The following TBC1D17 variants were observed in gnomAD, a reference collection of about 807,000 sequenced individuals.
The protein encoded by TBC1D17 is TBC1 domain family member 17.
TBC1D17 carries 69 observed loss-of-function variants against 78.8 expected under a neutral mutation model. That is an observed-to-expected ratio of 0.88 (90% CI 0.72 to 1.07). TBC1D17 has a LOEUF of 1.07. Among genes scored for constraint, TBC1D17 ranks in the 50% least tolerant of loss-of-function variants. The pLI, the probability that TBC1D17 is intolerant of heterozygous loss-of-function variation, is 0.00. For missense variants in TBC1D17, 957 were observed against 861.0 expected, an observed-to-expected ratio of 1.11 and a Z score of -1.39; for synonymous variants, 456 against 358.3, an observed-to-expected ratio of 1.27 and a Z score of -3.08.
chr19:49,888,594 CGAG>C lies in TBC1D17; in HGVS notation c.1926_1928del (p.Glu642del). 4 of 1,536,706 alleles carry C rather than the reference CGAG, an allele frequency of 2.6e-6. No individual in the cohort carries two copies. Among genetic ancestry groups the C allele is most frequent in the Admixed American group, 2.0e-5 (1 of 50,958 alleles). On this transcript the variant is annotated inframe_deletion, in exon 17 of 17. Transcript: ENST00000221543. ...CCGACAGCAGCCTGGAGATCCTGCC[CGAG>C]GAGGAGGACGAGGGCGCCGACTCCT...
At position 49,884,143 on chromosome 19, in the gene TBC1D17, C is replaced by T. The variant is rs527778242; in HGVS notation, c.1127-110C>T. The stretch of plus-strand genomic sequence containing the variant: ...TCTGCTTCTCCCCCAGAGCAAACCC[C>T]GAGGCTGGGGGCTGCCAGCAGGAGG... On this transcript the variant is annotated intron_variant, in intron 10 of 16. Coordinates refer to ENST00000221543, the MANE Select transcript of TBC1D17 (RefSeq NM_024682.3). 3.8e-5 allele frequency: 38 copies of T among 1,009,398 alleles called. No individual in the cohort carries two copies. In the African/African-American group the frequency reaches 4.6e-4, roughly 12 times the overall value. The allele number at this position is 1,009,398 out of a possible 1,614,324, so 62.5% of individuals were successfully genotyped here. A position where few individuals can be genotyped will look rare whatever the true frequency, so the allele number is the denominator to read the frequency against.
chr19:49,887,504 C>T lies in TBC1D17; in HGVS notation c.1473C>T (p.Phe491=), dbSNP rs1178101126. 2 of 1,614,202 alleles carry T rather than the reference C, an allele frequency of 1.2e-6. No homozygotes were observed. The highest frequency in any genetic ancestry group is 1.7e-5 in the Admixed American group (1 of 60,022). The change falls in exon 14 of 17, where the codon TTC becomes TTT. Residue 491 remains phenylalanine, a synonymous_variant. Coordinates refer to ENST00000221543, the MANE Select transcript of TBC1D17 (RefSeq NM_024682.3). ...CCCAGGACTCCGGCTCTCTCTGCTTCTGTTTCCGGTGGCTGCTCATCTGGT... is the reference window on the plus strand; with the variant it reads ...CCCAGGACTCCGGCTCTCTCTGCTTTTGTTTCCGGTGGCTGCTCATCTGGT... ...LDSQDSGSLC[F]CFRWLLIWFK... is the part of the protein sequence containing the mutation.
intron 5 of TBC1D17, 69 bp from the exon 6 acceptor site, chr19:49,881,972 G>C: frequency 7.3e-7 from 1 of 1,378,380 alleles, no homozygotes; most frequent in Non-Finnish European, 1.0e-6. Flanking sequence ...GATGTCGGCC[G>C]AGCACAGACA....
intron 14 of TBC1D17, 48 bp downstream of exon 14, chr19:49,887,621 G>A (rs370930351): frequency 1.2e-6 from 2 of 1,610,706 alleles, no homozygotes; most frequent in Non-Finnish European, 1.7e-6. Flanking sequence ...GGGCTCACCT[G>A]CCCTGGGAGG....
chr19:49,881,326 A>G lies in TBC1D17; in HGVS notation c.378A>G (p.Leu126=), dbSNP rs2122437587. ...SWAFSVSLGE[L]KSIRRSKPGL... ...CCTTCTCAGTGAGTCTGGGGGAGCT[A>G]AAGTCCATCCGCCGCTCCAAGCCAG... The change falls in exon 5 of 17, where the codon CTA becomes CTG. Residue 126 remains leucine, a synonymous_variant. Transcript: ENST00000221543. 2 of 1,613,136 alleles carry G rather than the reference A, an allele frequency of 1.2e-6. No homozygotes were observed. Among genetic ancestry groups the G allele is most frequent in the Non-Finnish European group, 1.7e-6 (2 of 1,179,962 alleles).
intron 1 of TBC1D17, 113 bp downstream of exon 1, chr19:49,877,857 A>G: frequency 7.6e-7 from 1 of 1,322,950 alleles, no homozygotes; most frequent in Middle Eastern, 1.8e-4. Context: ...CTTGGCAAAC[A>G]CCGATCTCTT....
At chr19:49,886,790 C>G (rs923698918) in intron 13 of TBC1D17, 1 of 152,508 alleles carries the variant, frequency 6.6e-6, no homozygotes, top group Non-Finnish European at 1.5e-5. Context: ...GGTTCAACAC[C>G]AGCTTAATTT....
chr19:49,882,127 A>T lies in TBC1D17; in HGVS notation c.614A>T (p.Asp205Val). The change falls in exon 6 of 17, where the codon GAC becomes GTC. Residue 205 changes from aspartate to valine, a missense_variant. By Grantham distance (152) the Asp-to-Val change is radical. Coordinates refer to ENST00000221543, the MANE Select transcript of TBC1D17 (RefSeq NM_024682.3). ...TCCTTCCACCACCTGCAGCTCTTTG[A>T]CCAGGACAGCTCCAATGTGGTGTCA... is the stretch of plus-strand genomic sequence containing the variant. ...SNSFHHLQLF[D>V]QDSSNVVSRF... 1.2e-6 allele frequency: 2 copies of T among 1,613,924 alleles called. No individual in the cohort carries two copies. The highest frequency in any genetic ancestry group is 8.5e-7 in the Non-Finnish European group (1 of 1,179,974).
At chr19:49,882,689 G>A in intron 7 of TBC1D17, 75 bp from the exon 8 acceptor site, 1 of 1,453,292 alleles carries the variant, frequency 6.9e-7, no homozygotes, top group Non-Finnish European at 9.1e-7. Context: ...AGCTCTCTGA[G>A]CTTGTGGACT....
At position 49,882,222 on chromosome 19, in the gene TBC1D17, C is replaced by T. The variant is rs2075021319; in HGVS notation, c.640-20C>T. ...GACGAGAAGGGGCGGGCCGTGACCT[C>T]CCTTTGGCCTCGTCCCCAGCGCTTC... On this transcript the variant is annotated intron_variant, in intron 6 of 16. Coordinates refer to ENST00000221543, the MANE Select transcript of TBC1D17 (RefSeq NM_024682.3). 6.2e-7 allele frequency: 1 copy of T among 1,612,684 alleles called. No individual in the cohort carries two copies. The highest frequency in any genetic ancestry group is 8.5e-7 in the Non-Finnish European group (1 of 1,179,892).
At chr19:49,886,269 AAG>A (rs1347497493) in intron 13 of TBC1D17, among the ~76,000 whole-genome samples, 1 of 152,210 alleles carries the variant, frequency 6.6e-6, no homozygotes, top group Non-Finnish European at 1.5e-5. Flanking sequence ...AAAAAGAAAA[AAG>A]AAAGTTAAAG....
chr19:49,887,174 T>C (rs1600453999), intron 13 of TBC1D17: 1 of 408,196 alleles, frequency 2.4e-6, no homozygotes, highest in Non-Finnish European at 4.6e-6. Flanking sequence ...TCTAGGAGTG[T>C]CAGTTCCCTT....
Position 49,880,132 on chromosome 19 carries a change from A to G in TBC1D17, c.196-147A>G, listed in dbSNP as rs899397862. The G allele has an allele frequency of 5.5e-5, 53 of 961,004 alleles. No individual in the cohort carries two copies. The South Asian group carries it at 5.7e-4, about 10-fold the overall frequency. The allele number at this position is 961,004 out of a possible 1,614,324, so 59.5% of individuals were successfully genotyped here. ...CTCAGCCTCCCAAAGTGCTGGGATTACAGGCGTGAGCCACCGCACCCGGCC... is the reference window on the plus strand; with the variant it reads ...CTCAGCCTCCCAAAGTGCTGGGATTGCAGGCGTGAGCCACCGCACCCGGCC... On this transcript the variant is annotated intron_variant, in intron 3 of 16. Coordinates refer to ENST00000221543, the MANE Select transcript of TBC1D17 (RefSeq NM_024682.3).
At chr19:49,879,870 A>T (rs1416605314) in intron 3 of TBC1D17, among the ~76,000 whole-genome samples, 1 of 114,714 alleles carries the variant, frequency 8.7e-6, no homozygotes, top group Admixed American at 9.3e-5. Context: ...TTTTTTTTTA[A>T]TGAGACAGAA....
chr19:49,888,221 C>G lies in TBC1D17; in HGVS notation c.1660-10C>G, dbSNP rs751293800. ...GTGCCGACTGGCGCCTGACCCACCCCCTCCCGCAGCACATCAACGAGCTGA... is the reference window on the plus strand; with the variant it reads ...GTGCCGACTGGCGCCTGACCCACCCGCTCCCGCAGCACATCAACGAGCTGA... On this transcript the variant is annotated splice_polypyrimidine_tract_variant and intron_variant, in intron 15 of 16. Transcript: ENST00000221543. 12 of 1,572,852 alleles carry G rather than the reference C, an allele frequency of 7.6e-6. No individual in the cohort carries two copies. Among genetic ancestry groups the G allele is most frequent in the African/African-American group, 1.3e-5 (1 of 74,184 alleles).
chr19:49,882,195 G>C (rs758136821), intron 6 of TBC1D17, 43 bp downstream of exon 6: 3 of 1,613,168 alleles, frequency 1.9e-6, no homozygotes, highest in Non-Finnish European at 2.5e-6. Flanking sequence ...TGGGCAGGGA[G>C]GGACGAGAAG....
rs199852782 is a variant in TBC1D17 at position 49,883,619 on chromosome 19, G to A, written c.1032-32G>A. Reference sequence around the variant, plus strand: ...GTCTCTGGGTGTTGCAGACAGTGGCGGCCTCACATCTTGTTTCCCTCTGTC... The same window carrying A: ...GTCTCTGGGTGTTGCAGACAGTGGCAGCCTCACATCTTGTTTCCCTCTGTC... On this transcript the variant is annotated intron_variant, in intron 9 of 16. Transcript: ENST00000221543. 3.9e-5 allele frequency: 62 copies of A among 1,594,340 alleles called. 1 individual carries two copies. In the East Asian group the frequency reaches 1.1e-3, roughly 27 times the overall value.
chr19:49,877,870 A>T, intron 1 of TBC1D17, 126 bp downstream of exon 1: 1 of 1,216,556 alleles, frequency 8.2e-7, no homozygotes, highest in Non-Finnish European at 1.1e-6. Flanking sequence ...GATCTCTTAT[A>T]AACGCGCCGT....
chr19:49,881,739 C>T (rs972832744), intron 5 of TBC1D17, among the ~76,000 whole-genome samples: 27 of 152,198 alleles, frequency 1.8e-4, no homozygotes, highest in African/African-American at 6.0e-4. Context: ...AACAACCCGG[C>T]TGGATAGAAG....
Sources: allele counts gnomAD v4.1 joint callset (sites outside exome capture counted in the v4.1 genomes callset), GRCh38; gene constraint gnomAD v4.1.1; transcripts MANE v1.5; gene names NCBI Gene and HGNC (gene_info 2026-07-23, HGNC 2026-07-21).